The following ASB15 variants were observed in gnomAD, a reference collection of about 807,000 sequenced individuals.
ASB15 encodes ankyrin repeat and SOCS box protein 15.
A neutral mutation model predicts 58.0 loss-of-function variants in ASB15; 54 were observed. The observed-to-expected ratio is 0.93, with a 90% CI of 0.75 to 1.17. ASB15 has a LOEUF of 1.17. Ranked by LOEUF, ASB15 falls within the 50% of genes most tolerant of loss-of-function variation. The probability of loss-of-function intolerance (pLI) is 0.00; values close to 1 mark genes in which losing one functional copy is unlikely to be tolerated. For synonymous variants in ASB15, 249 were observed against 262.4 expected (o/e 0.95, Z 0.50); for missense variants, 680 against 707.4 (o/e 0.96, Z 0.44).
intron 10 of ASB15, 151 bp from the exon 11 acceptor site, chr7:123,629,815 A>G: frequency 1.6e-6 from 1 of 629,252 alleles, no homozygotes; most frequent in South Asian, 2.9e-5. Context: ...CACAGAGAGA[A>G]GCAAACAATT....
At chr7:123,610,154 G>A (rs1269323978) in intron 3 of ASB15, among the ~76,000 whole-genome samples, 2 of 152,142 alleles carry the variant, frequency 1.3e-5, no homozygotes, top group African/African-American at 2.4e-5. Context: ...TTCTTTTAAA[G>A]GCAACAGACT....
At chr7:123,591,164 T>C (rs1047012583) in intron 1 of ASB15, among the ~76,000 whole-genome samples, 5 of 152,238 alleles carry the variant, frequency 3.3e-5, no homozygotes, top group Admixed American at 1.3e-4. Context: ...CCTGAGACTT[T>C]GCTGAAGTTG....
At chr7:123,634,563 A>T (rs551417305) in intron 11 of ASB15, among the ~76,000 whole-genome samples, 82 of 152,122 alleles carry the variant, frequency 5.4e-4, no homozygotes, top group African/African-American at 1.3e-3. Flanking sequence ...TACAATTTTT[A>T]AAAAAAACTG....
intron 1 of ASB15, among the ~76,000 whole-genome samples, chr7:123,581,286 T>C (rs1194042513): frequency 6.6e-6 from 1 of 151,834 alleles, no homozygotes; most frequent in Admixed American, 6.6e-5. Context: ...CCTAACACTT[T>C]GAATTCAAAA....
chr7:123,572,117 T>C (rs1798923834), intron 1 of ASB15, among the ~76,000 whole-genome samples: 1 of 143,498 alleles, frequency 7.0e-6, no homozygotes, highest in Non-Finnish European at 1.5e-5. Flanking sequence ...GATTTTACAG[T>C]GATTGTAGAA....
chr7:123,601,658 A>G (rs1183029891), upstream of ASB15, among the ~76,000 whole-genome samples: 2 of 152,166 alleles, frequency 1.3e-5, no homozygotes, highest in African/African-American at 2.4e-5. Flanking sequence ...CTTTGAACCA[A>G]TCAGGACAGA....
In ASB15 at chr7:123,580,304, G is replaced by T. The variant is rs569294989; in HGVS notation, c.-443+13216G>T. 7.9e-5 allele frequency among the ~76,000 whole-genome samples: 12 copies of T among 152,122 alleles called. No homozygotes were observed. The South Asian group carries it at 1.9e-3, about 24-fold the overall frequency. Reference sequence around the variant, plus strand: ...ATGGCAGGCCGTTCTCTGTTGCACTGCTTTTTACATTTTTGGCTTTGCTTG... The same window carrying T: ...ATGGCAGGCCGTTCTCTGTTGCACTTCTTTTTACATTTTTGGCTTTGCTTG... On this transcript the variant is annotated intron_variant, in intron 1 of 13. Transcript: ENST00000451558.
At chr7:123,574,384 C>A (rs1237777436) in intron 1 of ASB15, among the ~76,000 whole-genome samples, 1 of 152,104 alleles carries the variant, frequency 6.6e-6, no homozygotes, top group African/African-American at 2.4e-5. Context: ...TGTTAAAACA[C>A]AGATTGCTGG....
chr7:123,597,917 CGTGTGTGT>C (rs61508655), upstream of ASB15, among the ~76,000 whole-genome samples: 531 of 133,062 alleles, frequency 4.0e-3, no homozygotes, highest in Non-Finnish European at 5.0e-3. Flanking sequence ...TTTCAAACTT[CGTGTGTGT>C]GTGTGTGTGT....
upstream of ASB15, chr7:123,601,780 G>A (rs965656169): frequency 6.6e-6 from 1 of 152,096 alleles, no homozygotes; most frequent in African/African-American, 2.4e-5. Flanking sequence ...AGTTGTACAA[G>A]GTCAGGTCTT....
chr7:123,611,648 TTAGA>T (rs1174758005), intron 3 of ASB15, among the ~76,000 whole-genome samples: 2 of 152,214 alleles, frequency 1.3e-5, no homozygotes. Context: ...TGAACTGGTC[TTAGA>T]TAAAGAAGTT....
At chr7:123,631,755 T>C (rs1032342924) in intron 11 of ASB15, among the ~76,000 whole-genome samples, 3 of 152,096 alleles carry the variant, frequency 2.0e-5, no homozygotes, top group East Asian at 3.9e-4. Context: ...AGCATCCTTC[T>C]AAAAAGTCAA....
chr7:123,598,094 GC>G (rs891434198), upstream of ASB15, among the ~76,000 whole-genome samples: 2 of 151,888 alleles, frequency 1.3e-5, no homozygotes, highest in African/African-American at 4.8e-5. Flanking sequence ...GAAGTGCCTA[GC>G]CTCACATTAT....
At chr7:123,607,829 A>T (rs1342197234) in intron 2 of ASB15, among the ~76,000 whole-genome samples, 1 of 152,198 alleles carries the variant, frequency 6.6e-6, no homozygotes, top group Admixed American at 6.5e-5. Flanking sequence ...TAGGGCTTTT[A>T]AAAATCATTA....
intron 7 of ASB15, chr7:123,623,116 T>G (rs1801443746): frequency 6.6e-6 from 1 of 152,236 alleles, no homozygotes; most frequent in African/African-American, 2.4e-5. Context: ...GCTTCTTCTC[T>G]AGGCCATAAA....
At chr7:123,570,027 A>T (rs561475693) in intron 1 of ASB15, among the ~76,000 whole-genome samples, 207 of 134,510 alleles carry the variant, frequency 1.5e-3, no homozygotes, top group Admixed American at 4.6e-3. Flanking sequence ...CTACTGCCAT[A>T]GCTTTTTTTT....
chr7:123,626,508 A>G (rs1031187853), intron 8 of ASB15, among the ~76,000 whole-genome samples: 25 of 152,296 alleles, frequency 1.6e-4, no homozygotes, highest in African/African-American at 4.3e-4. Flanking sequence ...ATAAGAAACT[A>G]CTGTCTTTAA....
Position 123,601,851 on chromosome 7 carries a change from G to T in ASB15, c.-308G>T, listed in dbSNP as rs551003332. The T allele has an allele frequency of 6.6e-6, 1 of 152,218 alleles. No homozygotes were observed. Among genetic ancestry groups the T allele is most frequent in the South Asian group, 2.1e-4 (1 of 4,820 alleles). The allele number at this position is 152,218 out of a possible 1,614,324, so 9.4% of individuals were successfully genotyped here. On this transcript the variant is annotated 5_prime_UTR_variant, in exon 1 of 12. Transcript: ENST00000451215. ...CACAGAAGCACACATTGGCTCCAGG[G>T]CACTTCCTCTGATTTAGGAAGGCAA...
intron 1 of ASB15, chr7:123,584,995 A>G (rs956432229): frequency 6.6e-6 from 1 of 151,908 alleles, no homozygotes; most frequent in Admixed American, 6.6e-5. Flanking sequence ...TGATTCTAAG[A>G]GTCACCTGAA....
Sources: gnomAD v4.1 joint callset for allele counts (sites outside exome capture counted in the v4.1 genomes callset) on GRCh38, gnomAD v4.1.1 for gene constraint, MANE v1.5 for transcripts, NCBI Gene and HGNC (gene_info 2026-07-23, HGNC 2026-07-21) for gene names.